Variants in TET2 observed in about 807,000 individuals in gnomAD.
TET2 encodes the protein tet methylcytosine dioxygenase 2.
In TET2, 299 loss-of-function variants were observed where a neutral mutation model predicts 142.9. That is an observed-to-expected ratio of 2.09 (90% CI 1.90 to 2.30). TET2 has a LOEUF of 2.30. Among genes scored for constraint, TET2 ranks in the 30% most tolerant of loss-of-function variants. The probability of loss-of-function intolerance (pLI) is 0.00; values close to 1 mark genes in which losing one functional copy is unlikely to be tolerated. For synonymous variants in TET2, 819 were observed against 849.0 expected, an observed-to-expected ratio of 0.96 and a Z score of 0.61; for missense variants, 2,418 against 2,378.0, an observed-to-expected ratio of 1.02 and a Z score of -0.35.
intron 6 of TET2, among the ~76,000 whole-genome samples, chr4:105,255,845 A>G (rs901311548): frequency 6.6e-6 from 1 of 151,826 alleles, no homozygotes; most frequent in Non-Finnish European, 1.5e-5. Context: ...TTTTGTCTGT[A>G]TCTTGTCTTT....
rs762762365 is a variant in TET2 at position 105,234,352 on chromosome 4, G to C, written c.410G>C (p.Ser137Thr). 2.2e-5 allele frequency: 35 copies of C among 1,614,070 alleles called. No individual in the cohort carries two copies. Among genetic ancestry groups the C allele is most frequent in the Non-Finnish European group, 2.8e-5 (33 of 1,180,014 alleles). The change falls in exon 3 of 11, where the codon AGT becomes ACT. Residue 137 changes from serine to threonine, a missense_variant. Transcript: ENST00000380013. ...VSQERNPGESSQPNVSDLSDK... is the reference protein window; with the variant it reads ...VSQERNPGESTQPNVSDLSDK... The stretch of plus-strand genomic sequence containing the variant: ...CAAGAAAGAAATCCAGGTGAAAGCA[G>C]TCAACCAAATGTCTCCGATTTGAGT...
chr4:105,198,582 C>T (rs1341745664), intron 2 of TET2, among the ~76,000 whole-genome samples: 1 of 151,992 alleles, frequency 6.6e-6, no homozygotes, highest in Non-Finnish European at 1.5e-5. Flanking sequence ...GAAGCAGTAG[C>T]CAGAAAATAA....
intron 2 of TET2, among the ~76,000 whole-genome samples, chr4:105,193,182 A>ATTGGGATC (rs1020335992): frequency 1.8e-4 from 28 of 152,162 alleles, no homozygotes; most frequent in Non-Finnish European, 3.8e-4. Flanking sequence ...GACAGGAAGA[A>ATTGGGATC]TTGGGATCGA....
chr4:105,217,809 T>C (rs1727584564), intron 2 of TET2, among the ~76,000 whole-genome samples: 2 of 152,060 alleles, frequency 1.3e-5, no homozygotes. Context: ...GGTGTTGGTG[T>C]ACATGTGTGT....
chr4:105,156,739 C>G (rs1336964853), intron 1 of TET2, among the ~76,000 whole-genome samples: 1 of 152,206 alleles, frequency 6.6e-6, no homozygotes, highest in Non-Finnish European at 1.5e-5. Flanking sequence ...TACCTGTCTG[C>G]ACTAAGAAGG....
chr4:105,198,942 AT>A (rs533019191), intron 2 of TET2, among the ~76,000 whole-genome samples: 2 of 151,338 alleles, frequency 1.3e-5, no homozygotes, highest in East Asian at 1.9e-4. Flanking sequence ...TGATACTTAC[AT>A]TTTTTTTTCA....
chr4:105,215,298 T>A (rs1355360471), intron 2 of TET2, among the ~76,000 whole-genome samples: 1 of 152,132 alleles, frequency 6.6e-6, no homozygotes, highest in Admixed American at 6.6e-5. Context: ...CTGAGTAGCA[T>A]TTAAACTAAA....
At chr4:105,263,827 A>C (rs1452446598) in intron 8 of TET2, among the ~76,000 whole-genome samples, 1 of 152,152 alleles carries the variant, frequency 6.6e-6, no homozygotes, top group Non-Finnish European at 1.5e-5. Flanking sequence ...CCAATGAAGT[A>C]AGAACTGGGG....
intron 2 of TET2, among the ~76,000 whole-genome samples, chr4:105,198,225 A>G (rs1726206238): frequency 6.6e-6 from 1 of 152,008 alleles, no homozygotes. Context: ...AATACCAGCT[A>G]CTCGGGAGGC....
intron 6 of TET2, among the ~76,000 whole-genome samples, chr4:105,253,164 G>A (rs543100675): frequency 5.9e-5 from 9 of 152,198 alleles, no homozygotes; most frequent in African/African-American, 2.2e-4. Context: ...TATATATACA[G>A]TCATTTATTG....
rs572588653 is a variant in TET2, at chr4:105,258,069, T to G, written c.3804-1550T>G. On this transcript the variant is annotated intron_variant, in intron 6 of 10. Transcript: ENST00000380013. ...TCATAATAAATGTGGGCTGTTTTGA[T>G]TTGAAGGCTACCATAGAGCTGTGGG... Among the ~76,000 whole-genome samples the G allele has an allele frequency of 2.0e-3, 305 of 152,308 alleles. 2 individuals are homozygous for G. The highest frequency in any genetic ancestry group is 4.8e-3 in the South Asian group (23 of 4,824).
At chr4:105,216,099 G>C (rs1350266276) in intron 2 of TET2, among the ~76,000 whole-genome samples, 5 of 152,076 alleles carry the variant, frequency 3.3e-5, no homozygotes, top group Non-Finnish European at 7.4e-5. Flanking sequence ...TGGGTCTTTA[G>C]AAGACAATGT....
rs773521964 is a variant in TET2 at position 105,182,316 on chromosome 4, A to G, written c.-192-8044A>G. Among the ~76,000 whole-genome samples, 4 of 152,108 alleles carry G rather than the reference A, an allele frequency of 2.6e-5. 1 individual carries two copies. Among genetic ancestry groups the G allele is most frequent in the South Asian group, 4.1e-4 (2 of 4,830 alleles). ...CCTAAGCCACTATAGCTCCTTCCCC[A>G]TTACTCCCTGGGTCTACCCACCATC... is the stretch of plus-strand genomic sequence containing the variant. On this transcript the variant is annotated intron_variant, in intron 1 of 10. Transcript: ENST00000380013.
chr4:105,276,502 T>G lies in TET2; in HGVS notation c.5992T>G (p.Tyr1998Asp). The G allele has an allele frequency of 6.4e-7, 1 of 1,551,092 alleles. No homozygotes were observed. The highest frequency in any genetic ancestry group is 8.7e-7 in the Non-Finnish European group (1 of 1,146,686). Residue 1998 changes from tyrosine (Y) to aspartate (D), a missense_variant, in exon 11 of 11, where the codon TAC becomes GAC. Physicochemically the swap from Tyr to Asp is radical, Grantham distance 160. Transcript: ENST00000380013. The part of the protein sequence containing the change: ...PYAFTRVTGP[Y>D]NRYI The stretch of plus-strand genomic sequence containing the variant: ...TGCCTTCACTCGGGTCACAGGGCCT[T>G]ACAACAGATATATATGATATCACCC...
chr4:105,236,266 T>G lies in TET2; in HGVS notation c.2324T>G (p.Phe775Cys). 2 of 1,614,104 alleles carry G rather than the reference T, an allele frequency of 1.2e-6. No individual in the cohort carries two copies. Among genetic ancestry groups the G allele is most frequent in the Non-Finnish European group, 1.7e-6 (2 of 1,180,014 alleles). Reference sequence around the variant, plus strand: ...AATGATCAGCAAAGAGAAGGATCATTCTTTGGCCAGACTAAAGTGGAAGAA... The same window carrying G: ...AATGATCAGCAAAGAGAAGGATCATGCTTTGGCCAGACTAAAGTGGAAGAA... ...SNNDQQREGSFFGQTKVEECF... is the reference protein window; with the variant it reads ...SNNDQQREGSCFGQTKVEECF... Residue 775 changes from phenylalanine to cysteine, a missense_variant, in exon 3 of 11, where the codon TTC becomes TGC. Physicochemically the swap from Phe to Cys is radical, Grantham distance 205 (BLOSUM62 -2). Coordinates refer to ENST00000380013, the MANE Select transcript of TET2 (RefSeq NM_001127208.3).
At chr4:105,222,651 G>T (rs867497159) in intron 2 of TET2, among the ~76,000 whole-genome samples, 20 of 152,160 alleles carry the variant, frequency 1.3e-4, no homozygotes, top group South Asian at 6.2e-4. Context: ...AAAATTTTCT[G>T]CCATTTTGTG....
chr4:105,196,867 A>G (rs1560743546), intron 2 of TET2, among the ~76,000 whole-genome samples: 1 of 152,186 alleles, frequency 6.6e-6, no homozygotes, highest in Non-Finnish European at 1.5e-5. Flanking sequence ...CAATCATACA[A>G]TTTAAAAGAA....
rs1381458847 is a variant in TET2 at position 105,234,933 on chromosome 4, AT to A, written c.992del (p.Ile331AsnfsTer16). 1 of 1,614,092 alleles carries A rather than the reference AT, an allele frequency of 6.2e-7. No individual in the cohort carries two copies. The highest frequency in any genetic ancestry group is 1.6e-4 in the Middle Eastern group (1 of 6,062). ...ACAACAACAAAAATCAGTTTTTGAG[AT>A]ATGCCCATCTCCTGCAGAAAATAAC... ...QLQQQKSVFE[I>X]CPSPAENNIQ... On this transcript the variant is annotated frameshift_variant, in exon 3 of 11. Transcript: ENST00000380013. LOFTEE classifies it high-confidence loss of function.
intron 1 of TET2, among the ~76,000 whole-genome samples, chr4:105,147,301 T>C (rs1454349769): frequency 6.6e-6 from 1 of 152,274 alleles, no homozygotes; most frequent in Non-Finnish European, 1.5e-5. Flanking sequence ...AAGTGATTTT[T>C]AAATTTGCTT....
Sources: gnomAD v4.1 joint callset for allele counts (sites outside exome capture counted in the v4.1 genomes callset) on GRCh38, gnomAD v4.1.1 for gene constraint, MANE v1.5 for transcripts, NCBI Gene and HGNC (gene_info 2026-07-23, HGNC 2026-07-21) for gene names.